Variants in PCDHA3 observed in about 807,000 individuals in gnomAD.
The protein encoded by PCDHA3 is protocadherin alpha 3, also known as protocadherin alpha-3.
A neutral mutation model predicts 62.2 loss-of-function variants in PCDHA3; 41 were observed. That is an observed-to-expected ratio of 0.66 (90% CI 0.51 to 0.86). PCDHA3 has a LOEUF of 0.86. Ranked by LOEUF, PCDHA3 falls within the 40% of genes least tolerant of loss-of-function variation. The pLI, the probability that PCDHA3 is intolerant of heterozygous loss-of-function variation, is 0.00. For missense variants in PCDHA3, 1,304 were observed against 1,241.2 expected, an observed-to-expected ratio of 1.05 and a Z score of -0.76; for synonymous variants, 640 against 555.4, an observed-to-expected ratio of 1.15 and a Z score of -2.14.
intron 1 of PCDHA3, among the ~76,000 whole-genome samples, chr5:140,962,883 T>C (rs570394633): frequency 5.6e-4 from 86 of 152,222 alleles, no homozygotes; most frequent in Non-Finnish European, 1.0e-3. Flanking sequence ...ATACATGAAT[T>C]AAAAAATGAA....
intron 1 of PCDHA3, among the ~76,000 whole-genome samples, chr5:140,838,927 A>G (rs2150156100): frequency 6.6e-6 from 1 of 152,088 alleles, no homozygotes; most frequent in African/African-American, 2.4e-5. Context: ...AAATAAAATA[A>G]AATGAAATAA....
chr5:140,884,057 G>A (rs141156800), intron 1 of PCDHA3: 6 of 1,613,540 alleles, frequency 3.7e-6, no homozygotes, highest in Non-Finnish European at 5.1e-6. Context: ...GGTGCGCGCG[G>A]TGGACGCCGA....
At position 141,003,524 on chromosome 5, in the gene PCDHA3, G is replaced by T. The variant is rs2098128799; in HGVS notation, c.2543-6103G>T. On this transcript the variant is annotated intron_variant, in intron 3 of 3. Coordinates refer to ENST00000522353, the MANE Select transcript of PCDHA3 (RefSeq NM_018906.3). ...GATGGGGTTTCACCATGTTCCCTAG[G>T]CTGGTCTTGAACTCCTGGCTTCAAG... 4.6e-5 allele frequency among the ~76,000 whole-genome samples: 7 copies of T among 152,070 alleles called. No individual in the cohort carries two copies. In the South Asian group the frequency reaches 1.5e-3, roughly 32 times the overall value.
At chr5:140,830,134 G>C in intron 1 of PCDHA3, 2 of 1,613,336 alleles carry the variant, frequency 1.2e-6, no homozygotes, top group Non-Finnish European at 1.7e-6. Flanking sequence ...CGTCATCACG[G>C]GCGTCGGTGG....
intron 3 of PCDHA3, among the ~76,000 whole-genome samples, chr5:140,985,205 G>C (rs1554246849): frequency 6.6e-6 from 1 of 152,092 alleles, no homozygotes; most frequent in African/African-American, 2.4e-5. Flanking sequence ...CCAAAGTGTT[G>C]GGATTACAGG....
At chr5:140,870,073 A>T in intron 1 of PCDHA3, 1 of 1,613,872 alleles carries the variant, frequency 6.2e-7, no homozygotes, top group Non-Finnish European at 8.5e-7. Context: ...GGCTACAGAT[A>T]AGGGGACTCC....
At chr5:140,986,077 A>G (rs1335070462) in intron 3 of PCDHA3, among the ~76,000 whole-genome samples, 2 of 152,094 alleles carry the variant, frequency 1.3e-5, no homozygotes, top group Non-Finnish European at 2.9e-5. Flanking sequence ...GAAACTGTTC[A>G]TTTATTTTCA....
chr5:140,980,490 C>T (rs185528514), intron 2 of PCDHA3, among the ~76,000 whole-genome samples: 39 of 152,096 alleles, frequency 2.6e-4, no homozygotes, highest in Admixed American at 4.6e-4. Context: ...ATTAGCTGGG[C>T]GTGATGGCAT....
intron 1 of PCDHA3, among the ~76,000 whole-genome samples, chr5:140,974,338 A>G (rs1554235945): frequency 6.6e-6 from 1 of 152,212 alleles, no homozygotes; most frequent in Non-Finnish European, 1.5e-5. Flanking sequence ...CTAGCAGGCT[A>G]TGCATCCAGA....
chr5:140,870,854 T>G, intron 1 of PCDHA3: 4 of 1,613,784 alleles, frequency 2.5e-6, no homozygotes, highest in Non-Finnish European at 3.4e-6. Flanking sequence ...CCGCGGTCGG[T>G]GGGTGCGGGC....
intron 1 of PCDHA3, among the ~76,000 whole-genome samples, chr5:140,846,989 C>CG (rs1310758236): frequency 2.0e-5 from 3 of 149,196 alleles, no homozygotes; most frequent in African/African-American, 7.4e-5. Context: ...AAGTTCCCCC[C>CG]GGGAGAATAT....
At chr5:140,914,263 G>T (rs950921953) in intron 1 of PCDHA3, among the ~76,000 whole-genome samples, 2 of 151,932 alleles carry the variant, frequency 1.3e-5, no homozygotes, top group South Asian at 2.1e-4. Flanking sequence ...TTCAATGGTG[G>T]GTGCATATAT....
chr5:140,898,462 C>T (rs1398136688), intron 1 of PCDHA3, among the ~76,000 whole-genome samples: 7 of 150,224 alleles, frequency 4.7e-5, no homozygotes, highest in African/African-American at 1.5e-4. Flanking sequence ...TTCCCCATTG[C>T]TTGTTTTTCT....
chr5:140,923,256 TAGTG>T (rs2153568044), intron 1 of PCDHA3, among the ~76,000 whole-genome samples: 1 of 152,302 alleles, frequency 6.6e-6, no homozygotes, highest in African/African-American at 2.4e-5. Context: ...CTGGGCAACA[TAGTG>T]AGACCTTGTC....
In PCDHA3 at chr5:140,856,797, T is replaced by C. The variant is rs116416365; in HGVS notation, c.2394+53206T>C. The C allele has an allele frequency of 1.0e-3, 1,647 of 1,595,690 alleles. 103 individuals carry two copies. The African/African-American group carries it at 0.02, about 19-fold the overall frequency. On this transcript the variant is annotated intron_variant, in intron 1 of 3. Transcript: ENST00000522353. ...GACAGACCGGTTTATGAAGTTAAGA[T>C]GTATGAAAATCAAGTGAACCAAACA... is the stretch of plus-strand genomic sequence containing the variant.
chr5:141,002,218 A>T (rs782352324), intron 3 of PCDHA3, among the ~76,000 whole-genome samples: 124 of 152,272 alleles, frequency 8.1e-4, no homozygotes, highest in Admixed American at 3.6e-3. Context: ...AATCAAAATG[A>T]TGGGTTTTCT....
At chr5:140,875,874 A>C in intron 1 of PCDHA3, 1 of 1,614,188 alleles carries the variant, frequency 6.2e-7, no homozygotes, top group Non-Finnish European at 8.5e-7. Flanking sequence ...CGGTGTTCAG[A>C]GAAAGGGAAC....
intron 1 of PCDHA3, chr5:140,807,580 G>T (rs782352876): frequency 4.3e-6 from 7 of 1,614,180 alleles, no homozygotes; most frequent in East Asian, 2.2e-5. Flanking sequence ...ATAACCCGCC[G>T]GTGTTCCCAG....
chr5:140,850,089 C>G (rs2150466506), intron 1 of PCDHA3: 1 of 1,596,512 alleles, frequency 6.3e-7, no homozygotes, highest in Non-Finnish European at 8.6e-7. Flanking sequence ...GGAGCTGCTA[C>G]AGTTCCAGGT....
Sources: gnomAD v4.1 joint callset for allele counts (sites outside exome capture counted in the v4.1 genomes callset) on GRCh38, gnomAD v4.1.1 for gene constraint, MANE v1.5 for transcripts, NCBI Gene and HGNC (gene_info 2026-07-23, HGNC 2026-07-21) for gene names.